Variants in NRG1 observed in about 807,000 individuals in gnomAD.
The protein encoded by NRG1 is neuregulin 1.
NRG1 carries 18 observed loss-of-function variants against 63.8 expected under a neutral mutation model. The ratio of observed to expected loss-of-function variants is 0.28; its 90% CI spans 0.19 to 0.42. The LOEUF (loss-of-function observed/expected upper bound fraction) is 0.42, where lower values mean the gene tolerates loss of function less well. Ranked by LOEUF, NRG1 falls within the 10% of genes least tolerant of loss-of-function variation. NRG1 has a pLI of 1.00. For synonymous variants in NRG1, 302 were observed against 301.3 expected (o/e 1.00, Z -0.02); for missense variants, 762 against 814.7 (o/e 0.94, Z 0.79).
At chr8:32,609,523 G>A (rs981823668) in intron 3 of NRG1, among the ~76,000 whole-genome samples, 3 of 151,414 alleles carry the variant, frequency 2.0e-5, no homozygotes, top group African/African-American at 4.9e-5. Context: ...CTGATAGAGA[G>A]TAGAATTCTC....
At chr8:32,347,653 C>T (rs1186052747) in intron 1 of NRG1, among the ~76,000 whole-genome samples, 1 of 152,072 alleles carries the variant, frequency 6.6e-6, no homozygotes, top group Non-Finnish European at 1.5e-5. Context: ...GTTGCTTTTC[C>T]ATGGACTTGG....
intron 1 of NRG1, among the ~76,000 whole-genome samples, chr8:32,336,824 G>C (rs1803328562): frequency 6.6e-6 from 1 of 152,078 alleles, no homozygotes; most frequent in Non-Finnish European, 1.5e-5. Context: ...TGGCCAGGCT[G>C]GTCTCAAACT....
intron 5 of NRG1, among the ~76,000 whole-genome samples, chr8:32,642,537 T>C (rs995236693): frequency 2.6e-5 from 4 of 152,220 alleles, no homozygotes; most frequent in Non-Finnish European, 5.9e-5. Context: ...TGGTGTACTT[T>C]ATCCTCCAGA....
chr8:32,431,066 C>A (rs546593790), intron 1 of NRG1, among the ~76,000 whole-genome samples: 1 of 152,202 alleles, frequency 6.6e-6, no homozygotes, highest in Admixed American at 6.5e-5. Flanking sequence ...TATTATCACA[C>A]AAACACACAC....
chr8:31,706,627 T>A (rs1811177000), intron 1 of NRG1, among the ~76,000 whole-genome samples: 1 of 152,220 alleles, frequency 6.6e-6, no homozygotes, highest in African/African-American at 2.4e-5. Context: ...AAATTGCCCT[T>A]GTATAGGGAT....
intron 1 of NRG1, among the ~76,000 whole-genome samples, chr8:32,218,684 T>C (rs1295958268): frequency 6.6e-6 from 1 of 152,230 alleles, no homozygotes; most frequent in Non-Finnish European, 1.5e-5. Flanking sequence ...TGCTAAATGA[T>C]GACTGTTGTT....
chr8:32,246,795 C>A (rs375252327), intron 1 of NRG1, among the ~76,000 whole-genome samples: 2 of 151,596 alleles, frequency 1.3e-5, no homozygotes, highest in Admixed American at 6.6e-5. Flanking sequence ...GATAGAATGG[C>A]GGTTACAGGG....
chr8:31,840,558 G>A (rs928904456), intron 1 of NRG1, among the ~76,000 whole-genome samples: 3 of 151,886 alleles, frequency 2.0e-5, no homozygotes, highest in African/African-American at 4.8e-5. Context: ...CTCTTACCTC[G>A]CACTAGTTAG....
At chr8:31,796,174 A>G (rs1223291674) in intron 1 of NRG1, among the ~76,000 whole-genome samples, 1 of 152,166 alleles carries the variant, frequency 6.6e-6, no homozygotes, top group Non-Finnish European at 1.5e-5. Flanking sequence ...TCATATGTTA[A>G]GACCACATTA....
chr8:32,648,184 C>T, intron 5 of NRG1: 2 of 1,614,138 alleles, frequency 1.2e-6, no homozygotes, highest in Non-Finnish European at 1.7e-6. Context: ...GTTCAAGTTA[C>T]AGTGCAAGGT....
intron 1 of NRG1, among the ~76,000 whole-genome samples, chr8:32,530,075 G>A (rs1831285337): frequency 6.6e-6 from 1 of 151,920 alleles, no homozygotes; most frequent in African/African-American, 2.4e-5. Context: ...ATGTCACTAG[G>A]TGATAGGAAT....
intron 1 of NRG1, among the ~76,000 whole-genome samples, chr8:32,310,637 C>A (rs911948738): frequency 2.0e-5 from 3 of 152,110 alleles, no homozygotes; most frequent in Non-Finnish European, 4.4e-5. Flanking sequence ...CAGGAGAAGT[C>A]TAAGAATTAG....
At chr8:31,995,581 G>A (rs1019316863) in intron 1 of NRG1, among the ~76,000 whole-genome samples, 1 of 151,942 alleles carries the variant, frequency 6.6e-6, no homozygotes, top group African/African-American at 2.4e-5. Flanking sequence ...TTTAGAGACT[G>A]TCTCTGAAAG....
chr8:32,354,214 C>G (rs921758332), intron 1 of NRG1, among the ~76,000 whole-genome samples: 1 of 151,942 alleles, frequency 6.6e-6, no homozygotes, highest in Non-Finnish European at 1.5e-5. Context: ...ACTAAAAATA[C>G]AAAAATTAGC....
At chr8:32,301,701 G>C (rs1855580248) in intron 1 of NRG1, among the ~76,000 whole-genome samples, 1 of 152,152 alleles carries the variant, frequency 6.6e-6, no homozygotes, top group African/African-American at 2.4e-5. Flanking sequence ...CTTGTGCAGA[G>C]AAACCTCCAT....
At chr8:31,718,786 A>C (rs1812616685) in intron 1 of NRG1, among the ~76,000 whole-genome samples, 1 of 152,204 alleles carries the variant, frequency 6.6e-6, no homozygotes, top group Admixed American at 6.5e-5. Flanking sequence ...ATCTCTAATA[A>C]GGAAAAATAT....
chr8:32,772,245 T>TC (rs1487861755), downstream of NRG1, among the ~76,000 whole-genome samples: 2 of 151,496 alleles, frequency 1.3e-5, no homozygotes. Flanking sequence ...AATTTTTTTT[T>TC]CTCATCCTGG....
At chr8:32,616,405 T>A (rs1013329495) in intron 4 of NRG1, among the ~76,000 whole-genome samples, 1 of 152,176 alleles carries the variant, frequency 6.6e-6, no homozygotes, top group East Asian at 1.9e-4. Context: ...CAATCTTGTT[T>A]GTTTATTTAT....
At chr8:32,140,217 C>T (rs1836065621) in intron 1 of NRG1, among the ~76,000 whole-genome samples, 1 of 152,136 alleles carries the variant, frequency 6.6e-6, no homozygotes, top group African/African-American at 2.4e-5. Flanking sequence ...CATACTTGCA[C>T]ATCTCTTTAA....
Sources: allele counts gnomAD v4.1 joint callset (sites outside exome capture counted in the v4.1 genomes callset), GRCh38; gene constraint gnomAD v4.1.1; transcripts MANE v1.5; gene names NCBI Gene and HGNC (gene_info 2026-07-23, HGNC 2026-07-21).